Variants in SLC4A4 observed in about 807,000 individuals in gnomAD.
The protein encoded by SLC4A4 is solute carrier family 4 member 4.
SLC4A4 carries 27 observed loss-of-function variants against 111.5 expected under a neutral mutation model. That is an observed-to-expected ratio of 0.24 (90% CI 0.18 to 0.33). The LOEUF (loss-of-function observed/expected upper bound fraction) is 0.33. Among genes scored for constraint, SLC4A4 ranks in the 10% least tolerant of loss-of-function variants. The pLI is 1.00. For missense variants in SLC4A4, 909 were observed against 1,315.5 expected, an observed-to-expected ratio of 0.69 and a Z score of 4.78; for synonymous variants, 443 against 463.4, an observed-to-expected ratio of 0.96 and a Z score of 0.57.
intron 16 of SLC4A4, among the ~76,000 whole-genome samples, chr4:71,508,993 G>C (rs1247804320): frequency 6.6e-6 from 1 of 152,024 alleles, no homozygotes; most frequent in Non-Finnish European, 1.5e-5. Flanking sequence ...CCAGAACTAA[G>C]GAAAAAACCA....
intron 2 of SLC4A4, among the ~76,000 whole-genome samples, chr4:71,248,892 A>G (rs1354570143): frequency 6.6e-6 from 1 of 152,232 alleles, no homozygotes; most frequent in African/African-American, 2.4e-5. Flanking sequence ...TGGAAGACAG[A>G]TGCATACGTT....
chr4:71,101,076 G>A (rs150444222), intron 2 of SLC4A4, among the ~76,000 whole-genome samples: 2 of 152,056 alleles, frequency 1.3e-5, no homozygotes, highest in South Asian at 2.1e-4. Flanking sequence ...TGGCTAACAC[G>A]GTGAAACCCC....
intron 3 of SLC4A4, among the ~76,000 whole-genome samples, chr4:71,322,114 G>A (rs920606484): frequency 8.6e-5 from 13 of 151,970 alleles, no homozygotes; most frequent in Non-Finnish European, 1.3e-4. Context: ...AAAATCTTTA[G>A]AGCGTTAATA....
chr4:71,449,901 T>C (rs904282642), intron 9 of SLC4A4, among the ~76,000 whole-genome samples: 2 of 152,332 alleles, frequency 1.3e-5, no homozygotes, highest in African/African-American at 4.8e-5. Flanking sequence ...AACCCAGATT[T>C]TTCTTTTTTA....
chr4:71,385,357 C>T (rs529148935), intron 6 of SLC4A4, among the ~76,000 whole-genome samples: 20 of 151,286 alleles, frequency 1.3e-4, no homozygotes, highest in Admixed American at 4.6e-4. Flanking sequence ...CACCATCCGA[C>T]CCGGCTAATT....
intron 16 of SLC4A4, among the ~76,000 whole-genome samples, chr4:71,498,613 C>T (rs937309987): frequency 2.6e-5 from 4 of 151,992 alleles, no homozygotes; most frequent in Non-Finnish European, 5.9e-5. Context: ...TTACTTTCAC[C>T]TAGAAAATTT....
chr4:71,391,728 CT>C (rs1004641415), intron 6 of SLC4A4, among the ~76,000 whole-genome samples: 5 of 150,880 alleles, frequency 3.3e-5, no homozygotes, highest in South Asian at 2.1e-4. Flanking sequence ...CTTTTATTTT[CT>C]TTTTTTTTAA....
intron 3 of SLC4A4, among the ~76,000 whole-genome samples, chr4:71,311,744 A>C (rs971079737): frequency 2.6e-5 from 4 of 152,152 alleles, no homozygotes; most frequent in African/African-American, 9.7e-5. Flanking sequence ...AAAGATCTAA[A>C]ATTGATACCC....
Position 71,376,154 on chromosome 4 carries a change from TATAC to T in SLC4A4, c.730+18969_730+18972del, listed in dbSNP as rs200439180. On this transcript the variant is annotated intron_variant, in intron 6 of 25. Coordinates refer to ENST00000264485, the MANE Select transcript of SLC4A4 (RefSeq NM_001098484.3). ...ATACATACACATATATACCTGTATA[TATAC>T]ACACACACACACACACACACACACA... 2.6e-3 allele frequency among the ~76,000 whole-genome samples: 141 copies of T among 55,054 alleles called. 4 individuals are homozygous for T. In the South Asian group the frequency reaches 0.049, roughly 19 times the overall value. 36.1% of individuals were successfully genotyped at this position (55,054 alleles called of 152,430 possible).
intron 8 of SLC4A4, among the ~76,000 whole-genome samples, chr4:71,442,486 A>G (rs1724822969): frequency 1.3e-5 from 2 of 152,216 alleles, no homozygotes; most frequent in South Asian, 4.1e-4. Context: ...TACAAGCCTT[A>G]ATCACTGAGT....
intron 7 of SLC4A4, among the ~76,000 whole-genome samples, chr4:71,434,207 A>C (rs1244589715): frequency 2.0e-5 from 3 of 152,114 alleles, no homozygotes; most frequent in African/African-American, 7.2e-5. Flanking sequence ...AACAAACATG[A>C]CGTAAGGGTA....
chr4:71,063,191 A>G (rs1469050079), intron 1 of SLC4A4, among the ~76,000 whole-genome samples: 1 of 152,162 alleles, frequency 6.6e-6, no homozygotes, highest in African/African-American at 2.4e-5. Context: ...GGATAAAAGG[A>G]CTTAGTGTCA....
chr4:71,454,303 G>A lies in SLC4A4; in HGVS notation c.1497+634G>A, dbSNP rs558307089. Among the ~76,000 whole-genome samples, 4 of 152,272 alleles carry A rather than the reference G, an allele frequency of 2.6e-5. No homozygotes were observed. In the East Asian group the frequency reaches 5.8e-4, roughly 22 times the overall value. On this transcript the variant is annotated intron_variant, in intron 12 of 25. Coordinates refer to ENST00000264485, the MANE Select transcript of SLC4A4 (RefSeq NM_001098484.3). ...ATCTTCCTTTTGCAACAATAATAAA[G>A]TTTTGGTGATAGAAAAGATGTGTCT...
intron 7 of SLC4A4, among the ~76,000 whole-genome samples, chr4:71,439,999 GCTT>G (rs1724571775): frequency 6.6e-6 from 1 of 151,836 alleles, no homozygotes; most frequent in Admixed American, 6.6e-5. Context: ...CTGCCAAGCA[GCTT>G]CTTCTCACAA....
chr4:71,555,996 C>G (rs1211122747), intron 21 of SLC4A4, among the ~76,000 whole-genome samples: 1 of 151,886 alleles, frequency 6.6e-6, no homozygotes, highest in Non-Finnish European at 1.5e-5. Context: ...TAACTGTAGC[C>G]TTATTTAGCA....
chr4:71,368,821 T>G (rs1731577422), intron 6 of SLC4A4, among the ~76,000 whole-genome samples: 1 of 152,172 alleles, frequency 6.6e-6, no homozygotes, highest in African/African-American at 2.4e-5. Context: ...TGAATGTAAT[T>G]TTTTTAGACT....
At chr4:71,243,281 C>T (rs1720392571) in intron 2 of SLC4A4, among the ~76,000 whole-genome samples, 1 of 152,146 alleles carries the variant, frequency 6.6e-6, no homozygotes, top group South Asian at 2.1e-4. Context: ...TAGAATACTT[C>T]TGCTTCCTAC....
At chr4:71,132,063 G>A (rs1743720967) in intron 2 of SLC4A4, among the ~76,000 whole-genome samples, 1 of 152,092 alleles carries the variant, frequency 6.6e-6, no homozygotes, top group African/African-American at 2.4e-5. Flanking sequence ...GAGCTTTTAG[G>A]AGCAATGTGC....
intron 2 of SLC4A4, among the ~76,000 whole-genome samples, chr4:71,107,305 A>G (rs1397400550): frequency 6.6e-6 from 1 of 151,610 alleles, no homozygotes; most frequent in Non-Finnish European, 1.5e-5. Context: ...TTTGTCCTTC[A>G]TTTCCGGCAT....
Sources: allele counts gnomAD v4.1 joint callset (sites outside exome capture counted in the v4.1 genomes callset), GRCh38; gene constraint gnomAD v4.1.1; transcripts MANE v1.5; gene names NCBI Gene and HGNC (gene_info 2026-07-23, HGNC 2026-07-21).